GADL1: variants seen among roughly 807,000 people sequenced by gnomAD.
GADL1 encodes the protein GAD like acidic amino acid decarboxylase 1.
Under a neutral mutation model 69.5 loss-of-function variants are expected in GADL1, and 71 were observed. That is an observed-to-expected ratio of 1.02 (90% confidence interval 0.84 to 1.25). GADL1 has a LOEUF of 1.25. Ranked by LOEUF, GADL1 falls within the 50% of genes most tolerant of loss-of-function variation. The probability of loss-of-function intolerance (pLI) is 0.00; values close to 1 mark genes in which losing one functional copy is unlikely to be tolerated. For missense variants in GADL1, 737 were observed against 631.8 expected (o/e 1.17, Z -1.79); for synonymous variants, 254 against 214.4 (o/e 1.18, Z -1.62).
chr3:30,886,870 G>A (rs186454853), intron 1 of GADL1, among the ~76,000 whole-genome samples: 3 of 152,224 alleles, frequency 2.0e-5, no homozygotes, highest in Admixed American at 1.3e-4. Context: ...TTGGAGCTTC[G>A]GTCACAAATG....
chr3:30,881,036 G>A (rs1246404874), intron 1 of GADL1, among the ~76,000 whole-genome samples: 1 of 151,866 alleles, frequency 6.6e-6, no homozygotes, highest in Non-Finnish European at 1.5e-5. Flanking sequence ...TTTCCCTAAG[G>A]GTTAGAGATC....
At chr3:30,874,399 C>T (rs1041663732) in intron 1 of GADL1, among the ~76,000 whole-genome samples, 1 of 151,914 alleles carries the variant, frequency 6.6e-6, no homozygotes. Flanking sequence ...GTGACACTGG[C>T]CTGGGTTATT....
In GADL1 at chr3:30,857,057, A is replaced by G. The variant is rs973749321; in HGVS notation, c.295T>C (p.Leu99=). The stretch of plus-strand genomic sequence containing the variant: ...TGTATGACATCCCGACAGAGTTCCA[A>G]TAGTTTATGGGGTGGCTCGCCTGAG... ...RDSGEPPHKL[L]ELCRDVIHYS... Residue 99 remains leucine, a synonymous_variant, in exon 3 of 15, where the codon TTG becomes CTG. Transcript: ENST00000282538. 3 of 1,550,078 alleles carry G rather than the reference A, an allele frequency of 1.9e-6. No individual in the cohort carries two copies. The highest frequency in any genetic ancestry group is 1.7e-4 in the Middle Eastern group (1 of 5,974).
intron 1 of GADL1, among the ~76,000 whole-genome samples, chr3:30,885,854 A>C (rs1698697136): frequency 6.6e-6 from 1 of 151,962 alleles, no homozygotes; most frequent in Non-Finnish European, 1.5e-5. Flanking sequence ...TGATCCTCCT[A>C]CTTTGTCCTC....
Position 30,791,110 on chromosome 3 carries a change from C to T in GADL1, c.1251-4704G>A, listed in dbSNP as rs571530600. Among the ~76,000 whole-genome samples, 1,000 of 152,012 alleles carry T rather than the reference C, an allele frequency of 6.6e-3. 7 individuals are homozygous for T. Among genetic ancestry groups the T allele is most frequent in the Non-Finnish European group, 0.01 (688 of 67,960 alleles). ...AGATGCAATGAGGGTGTGTGGTTTT[C>T]CATTCCCTTTTTATATCTCCTTTCA... On this transcript the variant is annotated intron_variant, in intron 12 of 14. Transcript: ENST00000282538.
At chr3:30,884,936 T>TGA (rs908378877) in intron 1 of GADL1, among the ~76,000 whole-genome samples, 9 of 152,182 alleles carry the variant, frequency 5.9e-5, no homozygotes, top group Admixed American at 3.9e-4. Flanking sequence ...GGCAGTGAAC[T>TGA]GATGGCTCAT....
At chr3:30,751,332 C>G (rs539759550) in intron 14 of GADL1, among the ~76,000 whole-genome samples, 2 of 151,994 alleles carry the variant, frequency 1.3e-5, no homozygotes, top group African/African-American at 4.8e-5. Flanking sequence ...GGTAAGGAGA[C>G]TCTTGAGCCG....
At chr3:30,828,182 A>G (rs1428921494) in intron 11 of GADL1, among the ~76,000 whole-genome samples, 2 of 151,884 alleles carry the variant, frequency 1.3e-5, no homozygotes, top group Non-Finnish European at 2.9e-5. Context: ...TTAAAAGAAA[A>G]ATGTACTTTC....
intron 11 of GADL1, among the ~76,000 whole-genome samples, chr3:30,823,439 T>C (rs1697626137): frequency 6.6e-6 from 1 of 151,974 alleles, no homozygotes; most frequent in Non-Finnish European, 1.5e-5. Context: ...CACCATGAAG[T>C]GGAGGTACAG....
chr3:30,797,479 C>A (rs993787308), intron 12 of GADL1, among the ~76,000 whole-genome samples: 19 of 152,152 alleles, frequency 1.2e-4, no homozygotes, highest in African/African-American at 4.3e-4. Flanking sequence ...CTACATGTAT[C>A]AATTCCTTTA....
chr3:30,839,039 T>C lies in GADL1; in HGVS notation c.861A>G (p.Ile287Met). The C allele has an allele frequency of 6.2e-7, 1 of 1,607,054 alleles. No individual in the cohort carries two copies. Among genetic ancestry groups the C allele is most frequent in the South Asian group, 1.1e-5 (1 of 89,414 alleles). The change falls in exon 9 of 15, where the codon ATA becomes ATG. Residue 287 changes from isoleucine (I) to methionine (M), a missense_variant. Physicochemically the swap from Ile to Met is conservative, Grantham distance 10. Coordinates refer to ENST00000282538, the MANE Select transcript of GADL1 (RefSeq NM_207359.3). ...GGCTGTGCCTCTCGCAGATGTCTGCTATTTCATCCAGAGGGTCAAAAGCTC... is the reference window on the plus strand; with the variant it reads ...GGCTGTGCCTCTCGCAGATGTCTGCCATTTCATCCAGAGGGTCAAAAGCTC... Reference protein sequence around the residue: ...VLGAFDPLDEIADICERHSLW... With the variant: ...VLGAFDPLDEMADICERHSLW...
rs549127730 is a variant in GADL1 at position 30,765,378 on chromosome 3, C to T, written c.1392+12801G>A. Reference sequence around the variant, plus strand: ...TACAGGTGGGATAATGGACAAAGAACAAACCATGATGTCTTCAGGAAGCCA... The same window carrying T: ...TACAGGTGGGATAATGGACAAAGAATAAACCATGATGTCTTCAGGAAGCCA... On this transcript the variant is annotated intron_variant, in intron 14 of 14. Coordinates refer to ENST00000282538, the MANE Select transcript of GADL1 (RefSeq NM_207359.3). Among the ~76,000 whole-genome samples, 18 of 152,326 alleles carry T rather than the reference C, an allele frequency of 1.2e-4. No homozygotes were observed. The South Asian group carries it at 3.5e-3, about 30-fold the overall frequency.
chr3:30,884,827 CTTA>C (rs1281040563), intron 1 of GADL1, among the ~76,000 whole-genome samples: 1 of 151,392 alleles, frequency 6.6e-6, no homozygotes, highest in Admixed American at 6.7e-5. Context: ...GTAGAAAATA[CTTA>C]TTATGCCAGG....
At chr3:30,885,893 C>T (rs1698697930) in intron 1 of GADL1, among the ~76,000 whole-genome samples, 1 of 151,956 alleles carries the variant, frequency 6.6e-6, no homozygotes, top group African/African-American at 2.4e-5. Context: ...AGGCATGAGC[C>T]ACCGTGCCCA....
At chr3:30,794,195 G>T (rs1461498712) in intron 12 of GADL1, among the ~76,000 whole-genome samples, 1 of 152,142 alleles carries the variant, frequency 6.6e-6, no homozygotes, top group Non-Finnish European at 1.5e-5. Context: ...TCTATGAAAT[G>T]ATTTCCATTT....
At chr3:30,756,458 TACC>T (rs1695972373) in intron 14 of GADL1, among the ~76,000 whole-genome samples, 1 of 152,216 alleles carries the variant, frequency 6.6e-6, no homozygotes. Flanking sequence ...ATTATCCTTC[TACC>T]ACTTTTTGCA....
At chr3:30,795,843 G>A (rs976025830) in intron 12 of GADL1, among the ~76,000 whole-genome samples, 1 of 152,166 alleles carries the variant, frequency 6.6e-6, no homozygotes, top group Non-Finnish European at 1.5e-5. Context: ...GATATCAAGA[G>A]TGTGGAAAGT....
intron 14 of GADL1, among the ~76,000 whole-genome samples, chr3:30,771,058 A>G (rs1195247584): frequency 6.6e-6 from 1 of 152,248 alleles, no homozygotes; most frequent in Non-Finnish European, 1.5e-5. Context: ...ACATGCGCAT[A>G]CAACAAGAAT....
chr3:30,876,658 G>T (rs910520697), intron 1 of GADL1, among the ~76,000 whole-genome samples: 2 of 150,616 alleles, frequency 1.3e-5, no homozygotes, highest in Non-Finnish European at 3.0e-5. Context: ...TCATATTTTT[G>T]CCTGCAGCCT....
Sources: gnomAD v4.1 joint callset for allele counts (sites outside exome capture counted in the v4.1 genomes callset) on GRCh38, gnomAD v4.1.1 for gene constraint, MANE v1.5 for transcripts, NCBI Gene and HGNC (gene_info 2026-07-23, HGNC 2026-07-21) for gene names.